ERCC6L2: variants seen among roughly 807,000 people sequenced by gnomAD.
The protein encoded by ERCC6L2 is DNA excision repair protein ERCC-6-like 2.
ERCC6L2 carries 77 observed loss-of-function variants against 132.0 expected under a neutral mutation model. The ratio of observed to expected loss-of-function variants is 0.58; its 90% CI spans 0.49 to 0.71. The LOEUF (loss-of-function observed/expected upper bound fraction) is 0.71. Ranked by LOEUF, ERCC6L2 falls within the 30% of genes least tolerant of loss-of-function variation. The pLI, the probability that ERCC6L2 is intolerant of heterozygous loss-of-function variation, is 0.00. For missense variants in ERCC6L2, 1,542 were observed against 1,837.6 expected (o/e 0.84, Z 2.94); for synonymous variants, 583 against 632.4 (o/e 0.92, Z 1.17).
intron 18 of ERCC6L2, among the ~76,000 whole-genome samples, chr9:96,011,274 A>C (rs919396883): frequency 3.9e-5 from 6 of 152,242 alleles, no homozygotes; most frequent in African/African-American, 1.4e-4. Context: ...GCAGAGAGGA[A>C]GAGACAGAAG....
chr9:95,966,488 A>C, intron 13 of ERCC6L2, 74 bp from the exon 14 acceptor site: 2 of 1,329,468 alleles, frequency 1.5e-6, no homozygotes, highest in Non-Finnish European at 2.0e-6. Flanking sequence ...GTGTATATAC[A>C]GGGAATGCCA....
At chr9:95,895,952 T>C (rs374112975) in intron 2 of ERCC6L2, among the ~76,000 whole-genome samples, 2 of 152,268 alleles carry the variant, frequency 1.3e-5, no homozygotes, top group South Asian at 4.1e-4. Flanking sequence ...GGTCTTGATC[T>C]CCTGACCTCG....
At chr9:95,963,049 A>G (rs1831984934) in intron 13 of ERCC6L2, among the ~76,000 whole-genome samples, 1 of 152,098 alleles carries the variant, frequency 6.6e-6, no homozygotes, top group South Asian at 2.1e-4. Flanking sequence ...TATTTTATAC[A>G]TTTTAAAAAT....
intron 13 of ERCC6L2, among the ~76,000 whole-genome samples, chr9:95,965,724 C>CT (rs1832124434): frequency 6.6e-6 from 1 of 152,076 alleles, no homozygotes; most frequent in South Asian, 2.1e-4. Flanking sequence ...AGGTTGGGCT[C>CT]TGACTCCTCA....
intron 17 of ERCC6L2, among the ~76,000 whole-genome samples, chr9:95,989,857 G>A (rs1365449309): frequency 1.3e-5 from 2 of 152,212 alleles, no homozygotes; most frequent in Non-Finnish European, 2.9e-5. Flanking sequence ...AAAAGAGTAT[G>A]CAAGGGAAGT....
At chr9:95,948,543 CTCAG>C (rs139225069) in intron 12 of ERCC6L2, among the ~76,000 whole-genome samples, 2,171 of 152,148 alleles carry the variant, frequency 0.014, 47 homozygotes, top group African/African-American at 0.049. Context: ...GTCCCAGCTA[CTCAG>C]GAGGCTGAGA....
At chr9:95,965,678 G>C (rs761908143) in intron 13 of ERCC6L2, among the ~76,000 whole-genome samples, 1 of 151,936 alleles carries the variant, frequency 6.6e-6, no homozygotes, top group Non-Finnish European at 1.5e-5. Context: ...GCTAATTTTT[G>C]TATTTTAGTA....
At chr9:96,008,902 C>T (rs1588052368) in intron 18 of ERCC6L2, among the ~76,000 whole-genome samples, 1 of 152,356 alleles carries the variant, frequency 6.6e-6, no homozygotes, top group East Asian at 1.9e-4. Flanking sequence ...CATCAGGTTA[C>T]AGCTGGGTTT....
chr9:95,945,571 A>G (rs1374129792), intron 12 of ERCC6L2, among the ~76,000 whole-genome samples: 1 of 152,218 alleles, frequency 6.6e-6, no homozygotes, highest in African/African-American at 2.4e-5. Flanking sequence ...AAATCTTCAC[A>G]ATTTATGTTC....
Position 95,881,143 on chromosome 9 carries a change from A to G in ERCC6L2, c.321A>G (p.Lys107=), listed in dbSNP as rs1827569003. Reference sequence around the variant, plus strand: ...TTCCATCATCTTCTGTTGCTTTTAAATTATCTGACAATGGAGACTCTATTC... The same window carrying G: ...TTCCATCATCTTCTGTTGCTTTTAAGTTATCTGACAATGGAGACTCTATTC... ...RKFPSSSVAF[K]LSDNGDSIPY... The change falls in exon 2 of 19, where the codon AAA becomes AAG. Residue 107 remains lysine (K), a synonymous_variant. Transcript: ENST00000653738. 6.2e-7 allele frequency: 1 copy of G among 1,613,798 alleles called. No individual in the cohort carries two copies. Among genetic ancestry groups the G allele is most frequent in the Non-Finnish European group, 8.5e-7 (1 of 1,179,884 alleles).
intron 12 of ERCC6L2, among the ~76,000 whole-genome samples, chr9:95,946,632 A>G (rs1471708013): frequency 6.6e-6 from 1 of 152,226 alleles, no homozygotes; most frequent in East Asian, 1.9e-4. Flanking sequence ...GTGTATACAG[A>G]TACATCTCAT....
At chr9:95,928,644 AGTCTCAACTTT>A in intron 10 of ERCC6L2, 64 bp from the exon 11 acceptor site, 1 of 1,308,408 alleles carries the variant, frequency 7.6e-7, no homozygotes. Context: ...ATACTTAACA[AGTCTCAACTTT>A]GTAATGGTCT....
intron 13 of ERCC6L2, among the ~76,000 whole-genome samples, chr9:95,962,763 G>A (rs982024409): frequency 1.3e-5 from 2 of 152,106 alleles, no homozygotes; most frequent in African/African-American, 2.4e-5. Flanking sequence ...CTCTACTTAC[G>A]ATGGGGCCAC....
At chr9:95,970,131 A>C (rs542353035) in intron 14 of ERCC6L2, among the ~76,000 whole-genome samples, 1 of 152,308 alleles carries the variant, frequency 6.6e-6, no homozygotes, top group East Asian at 1.9e-4. Context: ...GAATATGAAC[A>C]ATAAATATAG....
At chr9:95,982,218 A>G (rs112327366) in intron 17 of ERCC6L2, among the ~76,000 whole-genome samples, 10 of 152,242 alleles carry the variant, frequency 6.6e-5, no homozygotes, top group African/African-American at 2.4e-4. Flanking sequence ...GGTGGGAGGT[A>G]GCGTGGGGGA....
At chr9:95,963,470 G>A (rs780438862) in intron 13 of ERCC6L2, among the ~76,000 whole-genome samples, 19 of 151,976 alleles carry the variant, frequency 1.3e-4, no homozygotes, top group Non-Finnish European at 2.5e-4. Flanking sequence ...ATAAAAACCA[G>A]TTTTATGCAT....
At chr9:95,954,355 T>C (rs891899755) in intron 12 of ERCC6L2, among the ~76,000 whole-genome samples, 1 of 152,190 alleles carries the variant, frequency 6.6e-6, no homozygotes, top group East Asian at 1.9e-4. Flanking sequence ...CCAAGCACAG[T>C]GTACTGTGCT....
At chr9:95,958,726 A>G (rs1831744714) in intron 13 of ERCC6L2, among the ~76,000 whole-genome samples, 1 of 152,122 alleles carries the variant, frequency 6.6e-6, no homozygotes, top group Non-Finnish European at 1.5e-5. Flanking sequence ...ATTCTCATAC[A>G]CCAATAACAG....
At position 96,012,976 on chromosome 9, in the gene ERCC6L2, A is replaced by G; in HGVS notation, c.4426A>G (p.Lys1476Glu). The G allele has an allele frequency of 7.3e-7, 1 of 1,367,432 alleles. No individual in the cohort carries two copies. Among genetic ancestry groups the G allele is most frequent in the Non-Finnish European group, 9.8e-7 (1 of 1,021,726 alleles). The allele number at this position is 1,367,432 out of a possible 1,614,324, so 84.7% of individuals were successfully genotyped here. A position where few individuals can be genotyped will look rare whatever the true frequency, so the allele number is the denominator to read the frequency against. ...GPMEKAKQRP[K>E]DFWDILNEQN... ...CATGGAAAAAGCAAAACAGAGACCAAAAGATTTCTGGGACATCTTGAATGA... is the reference window on the plus strand; with the variant it reads ...CATGGAAAAAGCAAAACAGAGACCAGAAGATTTCTGGGACATCTTGAATGA... The change falls in exon 19 of 19, where the codon AAA becomes GAA. Residue 1476 changes from lysine (K) to glutamate (E), a missense_variant. Lys to Glu is a moderately conservative substitution (Grantham distance 56, BLOSUM62 1). Coordinates refer to ENST00000653738, the MANE Select transcript of ERCC6L2 (RefSeq NM_020207.7).
Sources: gnomAD v4.1 joint callset for allele counts (sites outside exome capture counted in the v4.1 genomes callset) on GRCh38, gnomAD v4.1.1 for gene constraint, MANE v1.5 for transcripts, NCBI Gene and HGNC (gene_info 2026-07-23, HGNC 2026-07-21) for gene names.